F8: variants seen among roughly 807,000 people sequenced by gnomAD.
F8 encodes antihemophilic factor.
Under a neutral mutation model 140.6 loss-of-function variants are expected in F8, and 12 were observed. The ratio of observed to expected loss-of-function variants is 0.09; its 90% CI spans 0.05 to 0.14. F8 has a LOEUF of 0.14. Ranked by LOEUF, F8 falls within the 10% of genes least tolerant of loss-of-function variation. F8 has a pLI of 1.00. For missense variants in F8, 1,354 were observed against 1,720.7 expected, an observed-to-expected ratio of 0.79 and a Z score of 3.77; for synonymous variants, 585 against 614.6, an observed-to-expected ratio of 0.95 and a Z score of 0.71.
intron 20 of F8, 107 bp downstream of exon 20, chrX:154,901,264 A>T: frequency 1.7e-6 from 1 of 598,611 alleles, no homozygotes; most frequent in Non-Finnish European, 2.9e-6. Context: ...TATGGAATAG[A>T]ACTAATAGAA....
At chrX:154,956,199 G>A (rs1485764368) in intron 11 of F8, among the ~76,000 whole-genome samples, 2 of 112,172 alleles carry the variant, frequency 1.8e-5, no homozygotes, top group African/African-American at 3.2e-5. Context: ...CCTGGAAATC[G>A]CTGTTATCCT....
chrX:154,936,814 A>G (rs2073227329), intron 13 of F8, among the ~76,000 whole-genome samples: 1 of 111,956 alleles, frequency 8.9e-6, no homozygotes, highest in African/African-American at 3.2e-5. Flanking sequence ...ATCAAATTAA[A>G]TTATTCACTG....
chrX:155,002,811 C>T (rs918256220), intron 1 of F8, among the ~76,000 whole-genome samples: 1 of 111,944 alleles, frequency 8.9e-6, no homozygotes, highest in Non-Finnish European at 1.9e-5. Flanking sequence ...TGCAATAGTG[C>T]ACAAGGGTTC....
intron 14 of F8, among the ~76,000 whole-genome samples, chrX:154,925,734 G>T (rs782670603): frequency 5.3e-5 from 6 of 112,924 alleles, no homozygotes; most frequent in Non-Finnish European, 9.4e-5. Flanking sequence ...ATACCCCATT[G>T]TATCTAGGAA....
At chrX:154,943,115 G>A (rs782502771) in intron 13 of F8, among the ~76,000 whole-genome samples, 3 of 111,999 alleles carry the variant, frequency 2.7e-5, no homozygotes, top group Non-Finnish European at 5.6e-5. Flanking sequence ...CACAAGACAG[G>A]GATGCCTTCT....
At chrX:154,994,078 G>A (rs1207325705) in intron 3 of F8, among the ~76,000 whole-genome samples, 1 of 112,293 alleles carries the variant, frequency 8.9e-6, no homozygotes, top group East Asian at 2.8e-4. Context: ...CTTCAGTAAT[G>A]CTTGATGAAG....
intron 1 of F8, among the ~76,000 whole-genome samples, chrX:155,002,811 C>G (rs918256220): frequency 8.9e-6 from 1 of 111,944 alleles, no homozygotes; most frequent in Admixed American, 9.5e-5. Context: ...TGCAATAGTG[C>G]ACAAGGGTTC....
chrX:154,898,722 A>G (rs992375794), intron 21 of F8, among the ~76,000 whole-genome samples: 38 of 112,430 alleles, frequency 3.4e-4, no homozygotes, highest in African/African-American at 1.2e-3. Context: ...TATTTTGATC[A>G]TGACTTTGCT....
chrX:154,952,989 C>T lies in F8; in HGVS notation c.1903+903G>A, dbSNP rs782800578. ...TATCCACTAATATAGCATGAGAACA[C>T]TCTTTTATCCACAAGCCCACTAGTA... On this transcript the variant is annotated intron_variant, in intron 12 of 25. Coordinates refer to ENST00000360256, the MANE Select transcript of F8 (RefSeq NM_000132.4). Among the ~76,000 whole-genome samples, 4 of 112,300 alleles carry T rather than the reference C, an allele frequency of 3.6e-5. No homozygotes were observed. In the East Asian group the frequency reaches 8.3e-4, roughly 23 times the overall value.
At chrX:154,932,082 T>G (rs1225904167) in intron 13 of F8, among the ~76,000 whole-genome samples, 1 of 112,322 alleles carries the variant, frequency 8.9e-6, no homozygotes, top group Non-Finnish European at 1.9e-5. Context: ...ATCCATCAGA[T>G]TGCCTGGATT....
intron 13 of F8, among the ~76,000 whole-genome samples, chrX:154,934,625 C>G (rs1354216268): frequency 1.8e-5 from 2 of 111,194 alleles, no homozygotes; most frequent in Non-Finnish European, 3.8e-5. Context: ...GAAAGAAATT[C>G]TGAAATGTAA....
chrX:154,911,017 G>A lies in F8; in HGVS notation c.5220-4444C>T, dbSNP rs2073064206. Among the ~76,000 whole-genome samples, 3 of 109,646 alleles carry A rather than the reference G, an allele frequency of 2.7e-5. No individual in the cohort carries two copies. In the South Asian group the frequency reaches 1.2e-3, roughly 45 times the overall value. On this transcript the variant is annotated intron_variant, in intron 14 of 25. Transcript: ENST00000360256. ...AGCACATTTCCTTAAACTTATTTATGACACAGAGACCTTTGTTCACATGTT... is the reference window on the plus strand; with the variant it reads ...AGCACATTTCCTTAAACTTATTTATAACACAGAGACCTTTGTTCACATGTT...
At chrX:155,021,000 C>A (rs143400172) in intron 1 of F8, among the ~76,000 whole-genome samples, 1 of 111,583 alleles carries the variant, frequency 9.0e-6, no homozygotes, top group Non-Finnish European at 1.9e-5. Context: ...GTAAAAGCAC[C>A]AGTATGTAAT....
intron 22 of F8, among the ~76,000 whole-genome samples, chrX:154,876,223 C>T (rs1301623019): frequency 9.3e-6 from 1 of 107,701 alleles, no homozygotes; most frequent in Non-Finnish European, 1.9e-5. Flanking sequence ...GGGTTCACGC[C>T]ATTCTCTTGC....
intron 8 of F8, 108 bp from the exon 9 acceptor site, chrX:154,966,249 A>G: frequency 1.1e-6 from 1 of 941,896 alleles, no homozygotes; most frequent in Non-Finnish European, 1.5e-6. Flanking sequence ...GAGTGAGAAA[A>G]ATACAAGCTT....
chrX:154,961,260 C>T, intron 9 of F8, 92 bp from the exon 10 acceptor site: 1 of 565,696 alleles, frequency 1.8e-6, no homozygotes, highest in South Asian at 2.5e-5. Flanking sequence ...TAAAAGTGGC[C>T]TCTATCTACA....
intron 14 of F8, among the ~76,000 whole-genome samples, chrX:154,921,580 G>A (rs1395258056): frequency 9.0e-6 from 1 of 111,500 alleles, no homozygotes; most frequent in East Asian, 2.8e-4. Flanking sequence ...ACATGCACAC[G>A]TATATTTATT....
intron 12 of F8, among the ~76,000 whole-genome samples, chrX:154,953,459 C>T (rs2073347895): frequency 8.9e-6 from 1 of 111,999 alleles, no homozygotes; most frequent in Non-Finnish European, 1.9e-5. Flanking sequence ...TGATCTCAAG[C>T]CTCCAGAGTT....
chrX:154,993,282 G>A (rs1007634598), intron 3 of F8, 134 bp from the exon 4 acceptor site: 5 of 552,654 alleles, frequency 9.0e-6, no homozygotes, highest in Non-Finnish European at 1.4e-5. Context: ...TGTTGTTGTT[G>A]TTTTGAGACG....
Sources: gnomAD v4.1 joint callset for allele counts (sites outside exome capture counted in the v4.1 genomes callset) on GRCh38, gnomAD v4.1.1 for gene constraint, MANE v1.5 for transcripts, NCBI Gene and HGNC (gene_info 2026-07-23, HGNC 2026-07-21) for gene names.